Variants in KRT86 observed in about 807,000 individuals in gnomAD.
KRT86 encodes keratin 86.
KRT86 carries 30 observed loss-of-function variants against 41.2 expected under a neutral mutation model. The ratio of observed to expected loss-of-function variants is 0.73; its 90% CI spans 0.54 to 0.99. The LOEUF (loss-of-function observed/expected upper bound fraction) is 0.99, where lower values mean the gene tolerates loss of function less well. Ranked by LOEUF, KRT86 falls within the 50% of genes least tolerant of loss-of-function variation. KRT86 has a pLI of 0.00. For missense variants in KRT86, 561 were observed against 571.4 expected (o/e 0.98, Z 0.19); for synonymous variants, 238 against 238.1 (o/e 1.00, Z 0.00).
At position 52,305,771 on chromosome 12, in the gene KRT86, G is replaced by A; in HGVS notation, c.1009G>A (p.Glu337Lys). The A allele has an allele frequency of 6.2e-7, 1 of 1,614,014 alleles. No homozygotes were observed. The highest frequency in any genetic ancestry group is 8.5e-7 in the Non-Finnish European group (1 of 1,179,890). Reference sequence around the variant, plus strand: ...GATCCAGAGGCTGACGGCTGAGGTGGAGAATGCCAAGTGCCAGGTATGGGG... The same window carrying A: ...GATCCAGAGGCTGACGGCTGAGGTGAAGAATGCCAAGTGCCAGGTATGGGG... ...RMIQRLTAEV[E>K]NAKCQNSKLE... is the part of the protein sequence containing the mutation. Residue 337 changes from glutamate to lysine, a missense_variant, in exon 8 of 11, where the codon GAG (glutamate) becomes AAG (lysine). Physicochemically the swap from Glu to Lys is moderately conservative, Grantham distance 56. Around this residue, in one of 3 missense-constraint regions of KRT86, gnomAD observed 397 missense variants for 375.9 expected, o/e 1.06. Coordinates refer to ENST00000423955, the MANE Select transcript of KRT86 (RefSeq NM_001320198.2).
In KRT86 at chr12:52,308,606, C is replaced by T; in HGVS notation, c.*21C>T. 4 of 1,590,682 alleles carry T rather than the reference C, an allele frequency of 2.5e-6. No individual in the cohort carries two copies. The East Asian group carries it at 6.7e-5, about 27-fold the overall frequency. On this transcript the variant is annotated 3_prime_UTR_variant, in exon 11 of 11. Transcript: ENST00000423955. ...GCTAGGAGGCTGCCGCCTCCGCCAG[C>T]GCCTGTCGCCGTCACTCTCCACCCA...
At chr12:52,295,125 A>AT (rs1027424133) in intron 2 of KRT86, among the ~76,000 whole-genome samples, 3 of 151,922 alleles carry the variant, frequency 2.0e-5, no homozygotes, top group Non-Finnish European at 4.4e-5. Flanking sequence ...GTATGTGGCT[A>AT]TTTTTTTTAA....
chr12:52,282,236 A>ATTTT lies in KRT86; in HGVS notation c.-5+6301_-5+6304dup, dbSNP rs11376852. Among the ~76,000 whole-genome samples, 142 of 145,688 alleles carry ATTTT rather than the reference A, an allele frequency of 9.7e-4. 1 individual carries two copies. Among genetic ancestry groups the ATTTT allele is most frequent in the Middle Eastern group, 3.6e-3 (1 of 280 alleles). The stretch of plus-strand genomic sequence containing the variant: ...GAAGGTTTTTGAGCCCCCTGAAACA[A>ATTTT]TTTTTTTTTTTTTTGAGACAAAGCC... On this transcript the variant is annotated intron_variant, in intron 2 of 10. Transcript: ENST00000423955.
intron 2 of KRT86, among the ~76,000 whole-genome samples, chr12:52,278,624 T>G (rs1937695533): frequency 6.6e-6 from 1 of 152,118 alleles, no homozygotes; most frequent in African/African-American, 2.4e-5. Flanking sequence ...AGTAGACAGA[T>G]GGACTCACCT....
chr12:52,280,297 C>T lies in KRT86; in HGVS notation c.-5+4351C>T, dbSNP rs574389858. 1.8e-4 allele frequency among the ~76,000 whole-genome samples: 27 copies of T among 152,148 alleles called. 1 individual carries two copies. In the South Asian group the frequency reaches 2.7e-3, roughly 15 times the overall value. ...TTACAAGGCATTGGATTTTGGTGGT[C>T]GGAAGATAGAGTGGGGTGGCTAGAT... On this transcript the variant is annotated intron_variant, in intron 2 of 10. Transcript: ENST00000423955.
At chr12:52,286,176 C>A (rs1021447718) in intron 2 of KRT86, 4 of 1,184,414 alleles carry the variant, frequency 3.4e-6, no homozygotes, top group Non-Finnish European at 4.9e-6. Context: ...TGAGCACTTG[C>A]TCCAGGCGCC....
At chr12:52,285,176 A>G (rs1937884342) in intron 2 of KRT86, among the ~76,000 whole-genome samples, 1 of 152,162 alleles carries the variant, frequency 6.6e-6, no homozygotes, top group Non-Finnish European at 1.5e-5. Context: ...ACAGGCACAG[A>G]GAGGGTAAAT....
In KRT86 at chr12:52,288,189, C is replaced by T. The variant is rs757731348; in HGVS notation, c.-5+12243C>T. 4 of 1,600,334 alleles carry T rather than the reference C, an allele frequency of 2.5e-6. No homozygotes were observed. In the South Asian group the frequency reaches 3.3e-5, roughly 13 times the overall value. ...GCAGTGACTTTAGTTGAGAATACAG[C>T]CCCACCCACCATGTCCTGACTCCAC... On this transcript the variant is annotated intron_variant, in intron 2 of 10. Transcript: ENST00000423955.
At chr12:52,286,887 G>A (rs889867156) in intron 2 of KRT86, 157 of 1,588,874 alleles carry the variant, frequency 9.9e-5, no homozygotes, top group Non-Finnish European at 1.2e-4. Flanking sequence ...AAGCTCCCCA[G>A]TTCATAGGGT....
Position 52,302,342 on chromosome 12 carries a change from G to C in KRT86, c.369+57G>C, listed in dbSNP as rs1197545371. The stretch of plus-strand genomic sequence containing the variant: ...CCCCACCACCTACACAGCCAGGGCC[G>C]GGCACTAAGGATGGAGTCAGAGGCA... On this transcript the variant is annotated intron_variant, in intron 3 of 10. Coordinates refer to ENST00000423955, the MANE Select transcript of KRT86 (RefSeq NM_001320198.2). 217 of 484,846 alleles carry C rather than the reference G, an allele frequency of 4.5e-4. 1 individual carries two copies. The highest frequency in any genetic ancestry group is 1.4e-4 in the Admixed American group (3 of 20,866). The allele number at this position is 484,846 out of a possible 1,614,324, so 30.0% of individuals were successfully genotyped here.
At chr12:52,291,633 G>C in intron 2 of KRT86, 1 of 1,028,668 alleles carries the variant, frequency 9.7e-7, no homozygotes, top group Non-Finnish European at 1.4e-6. Context: ...GGGCTTGGGT[G>C]GTTAGCCGGG....
At chr12:52,283,124 G>A (rs910845644) in intron 2 of KRT86, among the ~76,000 whole-genome samples, 2 of 152,108 alleles carry the variant, frequency 1.3e-5, no homozygotes, top group East Asian at 1.9e-4. Context: ...GACTGGGTGC[G>A]GTGGCTCATG....
intron 10 of KRT86, 61 bp downstream of exon 10, chr12:52,308,325 G>A: frequency 6.2e-7 from 1 of 1,613,444 alleles, no homozygotes; most frequent in Non-Finnish European, 8.5e-7. Flanking sequence ...CTGGGCAAAG[G>A]GCGCGTGGGC....
chr12:52,308,948 C>T lies in KRT86; in HGVS notation c.*363C>T. The T allele has an allele frequency of 3.1e-6, 1 of 320,106 alleles. No homozygotes were observed. The highest frequency in any genetic ancestry group is 3.1e-5 in the South Asian group (1 of 32,382). The allele number at this position is 320,106 out of a possible 1,614,324, so 19.8% of individuals were successfully genotyped here. The stretch of plus-strand genomic sequence containing the variant: ...CCGGGAATGTCCCTGTCTGCACGAC[C>T]TGGGACTCTGCCCATGTGCTTTTGC... On this transcript the variant is annotated 3_prime_UTR_variant, in exon 11 of 11. Transcript: ENST00000423955.
At chr12:52,301,815 G>A (rs1236686317) in intron 2 of KRT86, 98 bp from the exon 3 acceptor site, 1 of 1,611,958 alleles carries the variant, frequency 6.2e-7, no homozygotes, top group East Asian at 2.2e-5. Flanking sequence ...TATATAAAAG[G>A]CCTACAGAGG....
At chr12:52,288,016 G>T (rs374156610) in intron 2 of KRT86, 3 of 1,614,218 alleles carry the variant, frequency 1.9e-6, no homozygotes, top group East Asian at 2.2e-5. Context: ...GCCTCGGCCC[G>T]GCTGCGGGTG....
intron 5 of KRT86, 73 bp from the exon 6 acceptor site, chr12:52,304,859 G>A: frequency 1.3e-6 from 2 of 1,501,052 alleles, no homozygotes; most frequent in South Asian, 1.1e-5. Context: ...TTCATGGAAT[G>A]GGTGGGAAGA....
In KRT86 at chr12:52,286,409, G is replaced by A. The variant is rs201991772; in HGVS notation, c.-5+10463G>A. On this transcript the variant is annotated intron_variant, in intron 2 of 10. Transcript: ENST00000423955. ...CACCGCCACGTTCCCGTTGCACGGA[G>A]CGCTGCAGACACTGCCAGTCACTGG... 15 of 1,554,364 alleles carry A rather than the reference G, an allele frequency of 9.7e-6. No homozygotes were observed. The East Asian group carries it at 3.6e-4, about 38-fold the overall frequency.
In KRT86 at chr12:52,301,924, G is replaced by C. The variant is rs1399939049; in HGVS notation, c.8G>C (p.Cys3Ser). 2 of 1,613,886 alleles carry C rather than the reference G, an allele frequency of 1.2e-6. No homozygotes were observed. Among genetic ancestry groups the C allele is most frequent in the Non-Finnish European group, 1.7e-6 (2 of 1,179,796 alleles). The change falls in exon 3 of 11, where the codon TGT becomes TCT. Residue 3 changes from cysteine (C) to serine (S), a missense_variant. Cys to Ser is a moderately radical substitution (Grantham distance 112, BLOSUM62 -1). Around this residue, in one of 3 missense-constraint regions of KRT86, gnomAD observed 164 missense variants for 172.5 expected, o/e 0.95. Coordinates refer to ENST00000423955, the MANE Select transcript of KRT86 (RefSeq NM_001320198.2). Reference sequence around the variant, plus strand: ...TCTTCCCCAAAAAGCACCATGACTTGTGGATCTTACTGTGGTGGCCGCGCC... The same window carrying C: ...TCTTCCCCAAAAAGCACCATGACTTCTGGATCTTACTGTGGTGGCCGCGCC... MT[C>S]GSYCGGRAFS...
Sources: gnomAD v4.1 joint callset for allele counts (sites outside exome capture counted in the v4.1 genomes callset) on GRCh38, gnomAD v4.1.1 for gene constraint, gnomAD v4.1.1 regional missense constraint, MANE v1.5 for transcripts, NCBI Gene and HGNC (gene_info 2026-07-23, HGNC 2026-07-21) for gene names.